PRKDC: variants seen among roughly 807,000 people sequenced by gnomAD.
PRKDC encodes the protein protein kinase, DNA-activated, catalytic subunit.
A neutral mutation model predicts 486.9 loss-of-function variants in PRKDC; 82 were observed. The ratio of observed to expected loss-of-function variants is 0.17; its 90% confidence interval spans 0.14 to 0.20. The LOEUF (loss-of-function observed/expected upper bound fraction) is 0.20. Among genes scored for constraint, PRKDC ranks in the 10% least tolerant of loss-of-function variants. The probability of loss-of-function intolerance (pLI) is 1.00; values close to 1 mark genes in which losing one functional copy is unlikely to be tolerated. For synonymous variants in PRKDC, 1,895 were observed against 1,837.0 expected (o/e 1.03, Z -0.81); for missense variants, 4,504 against 5,038.2 (o/e 0.89, Z 3.21).
chr8:47,917,886 C>G (rs1301360196), intron 22 of PRKDC, among the ~76,000 whole-genome samples: 5 of 152,184 alleles, frequency 3.3e-5, no homozygotes. Flanking sequence ...ACTCCCATTG[C>G]CCAGGCTGGA....
chr8:47,788,939 T>A lies in PRKDC; in HGVS notation c.10869A>T (p.Pro3623=), dbSNP rs747014441. The change falls in exon 76 of 86, where the codon CCA becomes CCT. Residue 3623 remains proline, a synonymous_variant. Transcript: ENST00000314191. ...MYAALGDPKA[P]GLGAFRRKFI... Reference sequence around the variant, plus strand: ...ACTTCCTTCTAAAGGCCCCCAGGCCTGGAGCCTTTGGGTCACCCAAGGCTG... The same window carrying A: ...ACTTCCTTCTAAAGGCCCCCAGGCCAGGAGCCTTTGGGTCACCCAAGGCTG... 1.9e-6 allele frequency: 3 copies of A among 1,610,526 alleles called. No homozygotes were observed. In the African/African-American group the frequency reaches 4.0e-5, roughly 22 times the overall value.
At chr8:47,876,706 CTGTATTTT>C (rs556844432) in intron 40 of PRKDC, among the ~76,000 whole-genome samples, 12 of 152,102 alleles carry the variant, frequency 7.9e-5, no homozygotes, top group African/African-American at 2.9e-4. Context: ...ATCCTTCCCA[CTGTATTTT>C]TGCTAAAATA....
At chr8:47,823,776 C>T in intron 64 of PRKDC, 82 bp downstream of exon 64, 1 of 1,504,632 alleles carries the variant, frequency 6.6e-7, no homozygotes, top group Non-Finnish European at 9.2e-7. Context: ...ATCTGCTGTA[C>T]CTCGTTTTGC....
intron 57 of PRKDC, 104 bp downstream of exon 57, chr8:47,837,108 A>G (rs1469971809): frequency 8.3e-7 from 1 of 1,208,402 alleles, no homozygotes; most frequent in African/African-American, 1.5e-5. Flanking sequence ...TCAGAAAGGA[A>G]TGTGTATTCT....
chr8:47,867,719 AAAG>A (rs780647038), intron 40 of PRKDC, among the ~76,000 whole-genome samples: 3 of 152,244 alleles, frequency 2.0e-5, no homozygotes, highest in Non-Finnish European at 2.9e-5. Flanking sequence ...AAAACAGAAA[AAAG>A]AATAAGAAAA....
Position 47,799,237 on chromosome 8 carries a change from G to A in PRKDC, c.10270C>T (p.Leu3424=). 1 of 1,613,920 alleles carries A rather than the reference G, an allele frequency of 6.2e-7. No homozygotes were observed. Among genetic ancestry groups the A allele is most frequent in the Non-Finnish European group, 8.5e-7 (1 of 1,179,902 alleles). ...MTLADFCDQQ[L]RKEEENASVI... ...GATGCATTCTCTTCCTCCTTGCGCA[G>A]CTGTTGGTCACAGAAATCTGCCAGC... Residue 3424 remains leucine, a synonymous_variant, in exon 72 of 86, where the codon CTG becomes TTG. Transcript: ENST00000314191.
intron 4 of PRKDC, 34 bp from the exon 5 acceptor site, chr8:47,954,480 G>A (rs2090672182): frequency 3.5e-6 from 3 of 861,914 alleles, no homozygotes; most frequent in Admixed American, 6.9e-5. Flanking sequence ...TCAATGTAGT[G>A]CGGGAATCAA....
Position 47,793,889 on chromosome 8 carries a change from G to A in PRKDC, c.10670+401C>T, listed in dbSNP as rs192860058. On this transcript the variant is annotated intron_variant, in intron 74 of 85. Transcript: ENST00000314191. ...TGCGCACTACTGCTCACTCATCATC[G>A]GTCTCAACTCATAAATCCGTTTAAG... 4.6e-5 allele frequency among the ~76,000 whole-genome samples: 7 copies of A among 152,122 alleles called. No homozygotes were observed. The East Asian group carries it at 1.4e-3, about 29-fold the overall frequency.
rs550664183 is a variant in PRKDC at position 47,930,568 on chromosome 8, G to A, written c.1892+104C>T. 6.2e-4 allele frequency: 746 copies of A among 1,205,758 alleles called. 6 individuals carry two copies. In the African/African-American group the frequency reaches 0.01, roughly 17 times the overall value. 74.7% of individuals were successfully genotyped at this position (1,205,758 alleles called of 1,614,324 possible). On this transcript the variant is annotated intron_variant, in intron 17 of 85. Coordinates refer to ENST00000314191, the MANE Select transcript of PRKDC (RefSeq NM_006904.7). The stretch of plus-strand genomic sequence containing the variant: ...ATTACAGGCGTGAGCCACCGAACCC[G>A]GCCTATTATTTCATTTCTTACATCT...
intron 69 of PRKDC, among the ~76,000 whole-genome samples, chr8:47,805,732 T>C (rs1563744087): frequency 6.6e-6 from 1 of 152,232 alleles, no homozygotes; most frequent in Non-Finnish European, 1.5e-5. Context: ...GACATTTTCA[T>C]CAGACTTTGG....
chr8:47,870,864 ATAAAT>A (rs2088935500), intron 40 of PRKDC, among the ~76,000 whole-genome samples: 1 of 152,228 alleles, frequency 6.6e-6, no homozygotes. Flanking sequence ...ATCTTATCAG[ATAAAT>A]TAAACAAAGA....
chr8:47,824,431 A>C (rs1013282725), intron 63 of PRKDC, among the ~76,000 whole-genome samples: 5 of 142,018 alleles, frequency 3.5e-5, no homozygotes, highest in Non-Finnish European at 7.5e-5. Context: ...CAATCACCCT[A>C]CTGCACTCCA....
chr8:47,932,695 T>C (rs2090277630), intron 16 of PRKDC, among the ~76,000 whole-genome samples: 1 of 152,160 alleles, frequency 6.6e-6, no homozygotes, highest in South Asian at 2.1e-4. Context: ...GGTTTCCCTA[T>C]CCCATACAAA....
chr8:47,788,036 A>G (rs541220018), intron 76 of PRKDC, among the ~76,000 whole-genome samples: 2 of 152,338 alleles, frequency 1.3e-5, no homozygotes, highest in South Asian at 4.1e-4. Flanking sequence ...CTCTGGCAAC[A>G]AGAGTTCCAA....
At chr8:47,846,757 T>G (rs1337714865) in intron 54 of PRKDC, among the ~76,000 whole-genome samples, 1 of 152,140 alleles carries the variant, frequency 6.6e-6, no homozygotes, top group East Asian at 1.9e-4. Context: ...CAGAAAACCC[T>G]AAAGACTCTG....
At chr8:47,870,928 T>C (rs1021782976) in intron 40 of PRKDC, among the ~76,000 whole-genome samples, 3 of 151,970 alleles carry the variant, frequency 2.0e-5, no homozygotes, top group Non-Finnish European at 4.4e-5. Context: ...ATCTGAAAAA[T>C]GCAGATGACA....
chr8:47,897,369 T>C (rs1431940646), intron 29 of PRKDC, 75 bp from the exon 30 acceptor site: 11 of 1,361,736 alleles, frequency 8.1e-6, no homozygotes, highest in Admixed American at 2.2e-5. Context: ...CTAGAAATCA[T>C]AAACTCATCT....
intron 39 of PRKDC, 30 bp downstream of exon 39, chr8:47,879,461 T>C: frequency 6.6e-7 from 1 of 1,505,186 alleles, no homozygotes; most frequent in Non-Finnish European, 8.9e-7. Context: ...AACAGTGTTT[T>C]AATTTTACTT....
chr8:47,806,437 T>G (rs909572173), intron 69 of PRKDC, among the ~76,000 whole-genome samples: 1 of 152,216 alleles, frequency 6.6e-6, no homozygotes, highest in Non-Finnish European at 1.5e-5. Context: ...ATATAAAAAT[T>G]CTTACTTGAT....
Sources: gnomAD v4.1 joint callset for allele counts (sites outside exome capture counted in the v4.1 genomes callset) on GRCh38, gnomAD v4.1.1 for gene constraint, MANE v1.5 for transcripts, NCBI Gene and HGNC (gene_info 2026-07-23, HGNC 2026-07-21) for gene names.